FHIT: variants seen among roughly 807,000 people sequenced by gnomAD.
FHIT encodes fragile histidine triad diadenosine triphosphatase.
A neutral mutation model predicts 17.9 loss-of-function variants in FHIT; 19 were observed. That is an observed-to-expected ratio of 1.06 (90% CI 0.74 to 1.56). FHIT has a LOEUF of 1.56. FHIT is among the 40% of genes most tolerant of loss of function. The pLI is 0.00. For synonymous variants in FHIT, 81 were observed against 69.7 expected (o/e 1.16, Z -0.81); for missense variants, 248 against 189.2 (o/e 1.31, Z -1.82).
intron 2 of FHIT, among the ~76,000 whole-genome samples, chr3:61,055,127 C>T (rs377690488): frequency 6.6e-6 from 1 of 151,902 alleles, no homozygotes; most frequent in East Asian, 1.9e-4. Context: ...GAAAAAAAGG[C>T]ATCTGTGATG....
At chr3:60,110,231 G>A (rs1043337844) in intron 5 of FHIT, among the ~76,000 whole-genome samples, 8 of 152,110 alleles carry the variant, frequency 5.3e-5, no homozygotes, top group Admixed American at 1.3e-4. Flanking sequence ...TAAGCATCAG[G>A]ACATTTCATA....
At chr3:60,069,205 A>C (rs1407655258) in intron 5 of FHIT, among the ~76,000 whole-genome samples, 3 of 152,250 alleles carry the variant, frequency 2.0e-5, no homozygotes, top group South Asian at 2.1e-4. Context: ...TAACCTATGA[A>C]GATGAACGAG....
intron 5 of FHIT, among the ~76,000 whole-genome samples, chr3:60,252,228 A>G (rs1430251818): frequency 1.3e-5 from 2 of 152,188 alleles, no homozygotes; most frequent in Non-Finnish European, 2.9e-5. Context: ...TAAAGTCTAC[A>G]CAAGTAGACA....
chr3:61,047,171 G>C (rs1242978769), intron 2 of FHIT, among the ~76,000 whole-genome samples: 1 of 152,176 alleles, frequency 6.6e-6, no homozygotes, highest in Non-Finnish European at 1.5e-5. Context: ...TATTCAATTA[G>C]GAAAAGAGTA....
At chr3:60,059,700 A>C (rs1702223939) in intron 5 of FHIT, among the ~76,000 whole-genome samples, 1 of 152,144 alleles carries the variant, frequency 6.6e-6, no homozygotes, top group Admixed American at 6.5e-5. Context: ...AGTAACCCAA[A>C]TATTCATTGC....
intron 5 of FHIT, among the ~76,000 whole-genome samples, chr3:60,453,146 A>G (rs2031858085): frequency 6.6e-6 from 1 of 152,134 alleles, no homozygotes; most frequent in African/African-American, 2.4e-5. Context: ...GAATATAATG[A>G]TGCAATTATA....
intron 5 of FHIT, among the ~76,000 whole-genome samples, chr3:60,193,079 GGA>G (rs1702477138): frequency 6.6e-6 from 1 of 152,138 alleles, no homozygotes; most frequent in Non-Finnish European, 1.5e-5. Flanking sequence ...TCAGAAAAAT[GGA>G]GATTTCTCAA....
chr3:60,357,286 C>T (rs182547531), intron 5 of FHIT, among the ~76,000 whole-genome samples: 287 of 152,226 alleles, frequency 1.9e-3, no homozygotes, highest in African/African-American at 6.6e-3. Context: ...TGGCTCACTG[C>T]AACCTCTGCC....
chr3:61,191,890 C>T (rs758839854), intron 2 of FHIT, among the ~76,000 whole-genome samples: 5 of 152,108 alleles, frequency 3.3e-5, no homozygotes, highest in Non-Finnish European at 7.3e-5. Flanking sequence ...CAATCTAAGC[C>T]ACCAGGGATG....
intron 8 of FHIT, among the ~76,000 whole-genome samples, chr3:59,896,579 C>T (rs1340212672): frequency 2.0e-5 from 3 of 151,934 alleles, no homozygotes; most frequent in Non-Finnish European, 4.4e-5. Flanking sequence ...AAAGTTCATC[C>T]TATATTTTTA....
At chr3:60,975,610 G>A (rs773764203) in intron 3 of FHIT, among the ~76,000 whole-genome samples, 1 of 152,146 alleles carries the variant, frequency 6.6e-6, no homozygotes, top group Non-Finnish European at 1.5e-5. Flanking sequence ...GCCAATCATG[G>A]CTGATACCAT....
chr3:61,219,160 T>C (rs910994101), intron 1 of FHIT, among the ~76,000 whole-genome samples: 1 of 152,160 alleles, frequency 6.6e-6, no homozygotes, highest in African/African-American at 2.4e-5. Flanking sequence ...TCTAAACATA[T>C]AAAAGGTATG....
chr3:60,538,132 C>T (rs1386755274), intron 4 of FHIT, among the ~76,000 whole-genome samples: 1 of 152,116 alleles, frequency 6.6e-6, no homozygotes, highest in African/African-American at 2.4e-5. Flanking sequence ...ACCAAGCACA[C>T]TTATACACCA....
At chr3:60,726,269 A>G (rs1455206987) in intron 4 of FHIT, among the ~76,000 whole-genome samples, 1 of 152,216 alleles carries the variant, frequency 6.6e-6, no homozygotes, top group Non-Finnish European at 1.5e-5. Context: ...TGTATTAGTG[A>G]CTAGATGATT....
chr3:60,570,737 T>TAAAAAAA (rs10637926), intron 4 of FHIT, among the ~76,000 whole-genome samples: 3 of 132,520 alleles, frequency 2.3e-5, no homozygotes, highest in Non-Finnish European at 3.1e-5. Flanking sequence ...ATTAAAAAAT[T>TAAAAAAA]AAAAAAAAAA....
intron 1 of FHIT, among the ~76,000 whole-genome samples, chr3:61,215,670 A>C (rs968656389): frequency 3.3e-5 from 5 of 152,360 alleles, no homozygotes; most frequent in African/African-American, 4.8e-5. Context: ...GAACCAAAAA[A>C]GAGCCCGCAT....
intron 5 of FHIT, among the ~76,000 whole-genome samples, chr3:60,207,169 C>CAT (rs1703234965): frequency 1.3e-5 from 2 of 149,556 alleles, no homozygotes; most frequent in Admixed American, 1.3e-4. Context: ...TGTCAGTGTG[C>CAT]GTGTGTGTGT....
intron 8 of FHIT, among the ~76,000 whole-genome samples, chr3:59,791,032 C>G (rs78833803): frequency 6.6e-6 from 1 of 152,180 alleles, no homozygotes; most frequent in Non-Finnish European, 1.5e-5. Context: ...TTCTCCCTGA[C>G]TTTGCCTGGG....
At chr3:60,152,192 T>C (rs982152227) in intron 5 of FHIT, among the ~76,000 whole-genome samples, 33 of 152,174 alleles carry the variant, frequency 2.2e-4, no homozygotes, top group African/African-American at 7.0e-4. Context: ...ATGGCAAGCA[T>C]ATTTACATAT....
Sources: allele counts gnomAD v4.1 joint callset (sites outside exome capture counted in the v4.1 genomes callset), GRCh38; gene constraint gnomAD v4.1.1; transcripts MANE v1.5; gene names NCBI Gene and HGNC (gene_info 2026-07-23, HGNC 2026-07-21).